The following PRRC1 variants were observed in gnomAD, a reference collection of about 807,000 sequenced individuals.
PRRC1 encodes proline rich coiled-coil 1.
Under a neutral mutation model 40.7 loss-of-function variants are expected in PRRC1, and 39 were observed. The ratio of observed to expected loss-of-function variants is 0.96; its 90% confidence interval spans 0.74 to 1.25. The LOEUF is 1.25. Ranked by LOEUF, PRRC1 falls within the 50% of genes most tolerant of loss-of-function variation. The pLI, the probability that PRRC1 is intolerant of heterozygous loss-of-function variation, is 0.00. For missense variants in PRRC1, 573 were observed against 548.3 expected (o/e 1.05, Z -0.45); for synonymous variants, 175 against 193.3 (o/e 0.91, Z 0.79).
chr5:127,541,153 C>G (rs1768036496), intron 7 of PRRC1, among the ~76,000 whole-genome samples: 1 of 152,150 alleles, frequency 6.6e-6, no homozygotes, highest in African/African-American at 2.4e-5. Context: ...GTCTTTGGTT[C>G]TGTTTATATG....
chr5:127,539,166 G>A, intron 7 of PRRC1, 23 bp downstream of exon 7: 1 of 1,577,096 alleles, frequency 6.3e-7, no homozygotes, highest in Non-Finnish European at 8.7e-7. Context: ...TGTTTCTCTT[G>A]GAAGCAAAAT....
chr5:127,541,041 C>T (rs567310151), intron 7 of PRRC1, among the ~76,000 whole-genome samples: 4 of 152,218 alleles, frequency 2.6e-5, no homozygotes, highest in East Asian at 1.9e-4. Flanking sequence ...TTTTGAGATA[C>T]GTCCCATCAG....
At chr5:127,528,354 G>A (rs542530233) in intron 4 of PRRC1, among the ~76,000 whole-genome samples, 10 of 151,056 alleles carry the variant, frequency 6.6e-5, no homozygotes, top group South Asian at 6.3e-4. Context: ...CGCTCTTGTC[G>A]CCCAGGCTGG....
chr5:127,525,197 A>G (rs1009877995), intron 3 of PRRC1, among the ~76,000 whole-genome samples: 5 of 152,178 alleles, frequency 3.3e-5, no homozygotes, highest in African/African-American at 1.2e-4. Flanking sequence ...TCTACTTTCT[A>G]TGTATATGGA....
At chr5:127,522,697 T>A (rs1048400698) in intron 1 of PRRC1, among the ~76,000 whole-genome samples, 1 of 152,114 alleles carries the variant, frequency 6.6e-6, no homozygotes, top group African/African-American at 2.4e-5. Flanking sequence ...GGCTTTATTT[T>A]TTTTTTATGT....
At chr5:127,519,817 GGA>G (rs1228293260) in intron 1 of PRRC1, among the ~76,000 whole-genome samples, 4 of 152,130 alleles carry the variant, frequency 2.6e-5, no homozygotes, top group African/African-American at 9.7e-5. Context: ...TTTGTTTCAA[GGA>G]ACTTAAACAG....
At chr5:127,531,621 T>TC (rs1377108153) in intron 5 of PRRC1, among the ~76,000 whole-genome samples, 1 of 61,782 alleles carries the variant, frequency 1.6e-5, no homozygotes, top group Non-Finnish European at 3.3e-5. Flanking sequence ...CTTCTTCTTT[T>TC]TTTTTTTTTT....
chr5:127,547,941 T>G lies in PRRC1; in HGVS notation c.1128+20T>G. 1.4e-6 allele frequency: 2 copies of G among 1,463,064 alleles called. No individual in the cohort carries two copies. Among genetic ancestry groups the G allele is most frequent in the Non-Finnish European group, 1.9e-6 (2 of 1,042,032 alleles). The allele number at this position is 1,463,064 out of a possible 1,614,324, so 90.6% of individuals were successfully genotyped here. A position where few individuals can be genotyped will look rare whatever the true frequency, so the allele number is the denominator to read the frequency against. ...CAGCAGGTTGGTTTTCTCCTTTGCT[T>G]TTTCATTATGCTCCAGAGAAACTTA... On this transcript the variant is annotated intron_variant, in intron 8 of 8. Transcript: ENST00000296666.
Position 127,554,738 on chromosome 5 carries a change from GATAGT to G in PRRC1, c.*2826_*2830del, listed in dbSNP as rs1259531032. On this transcript the variant is annotated 3_prime_UTR_variant, in exon 9 of 9. Coordinates refer to ENST00000296666, the MANE Select transcript of PRRC1 (RefSeq NM_130809.5). ...GTGGATAAATACAAAAAGGTAGTGT[GATAGT>G]ATAAGTATCTAAGTGCAGATGAAAG... 1 of 152,326 alleles carries G rather than the reference GATAGT, an allele frequency of 6.6e-6. No homozygotes were observed. Among genetic ancestry groups the G allele is most frequent in the Non-Finnish European group, 1.5e-5 (1 of 68,036 alleles). The allele number at this position is 152,326 out of a possible 1,614,324, so 9.4% of individuals were successfully genotyped here.
intron 7 of PRRC1, among the ~76,000 whole-genome samples, chr5:127,543,606 G>A (rs1331673225): frequency 0.01 from 1,520 of 151,670 alleles, 17 homozygotes; most frequent in East Asian, 0.03. Flanking sequence ...TTCCCTTCTC[G>A]CTTCATTTCA....
At chr5:127,546,993 TTTG>T (rs1436035495) in intron 7 of PRRC1, among the ~76,000 whole-genome samples, 5 of 152,178 alleles carry the variant, frequency 3.3e-5, no homozygotes, top group African/African-American at 4.8e-5. Context: ...TATATTTTAC[TTTG>T]TTGTTTTTTT....
chr5:127,542,253 T>A (rs1237299040), intron 7 of PRRC1, among the ~76,000 whole-genome samples: 2 of 152,176 alleles, frequency 1.3e-5, no homozygotes, highest in Non-Finnish European at 2.9e-5. Context: ...TTGTTATAAT[T>A]TCTGTTCTTT....
At chr5:127,543,128 A>T (rs1052009161) in intron 7 of PRRC1, among the ~76,000 whole-genome samples, 1 of 151,962 alleles carries the variant, frequency 6.6e-6, no homozygotes, top group Non-Finnish European at 1.5e-5. Flanking sequence ...TCCTTCACTT[A>T]CAAAACTTAG....
At chr5:127,541,770 T>C (rs1768053483) in intron 7 of PRRC1, among the ~76,000 whole-genome samples, 1 of 152,034 alleles carries the variant, frequency 6.6e-6, no homozygotes, top group Admixed American at 6.5e-5. Context: ...TCTCTTTTTT[T>C]CTTTATTAGT....
chr5:127,541,873 C>T (rs1768057853), intron 7 of PRRC1, among the ~76,000 whole-genome samples: 1 of 151,660 alleles, frequency 6.6e-6, no homozygotes. Context: ...GTCTCTATTT[C>T]CTTCAGTTCT....
Position 127,533,669 on chromosome 5 carries a change from A to C in PRRC1, c.804A>C (p.Val268=). The C allele has an allele frequency of 6.2e-7, 1 of 1,614,152 alleles. No individual in the cohort carries two copies. The highest frequency in any genetic ancestry group is 8.5e-7 in the Non-Finnish European group (1 of 1,179,984). Residue 268 remains valine (V), a synonymous_variant, in exon 6 of 9, where the codon GTA becomes GTC. Transcript: ENST00000296666. Reference sequence around the variant, plus strand: ...TTGTAGTGACCTCAAATAAAGAAGTAAAAGTTGCTGCTGTCCGAGATGCCT... The same window carrying C: ...TTGTAGTGACCTCAAATAAAGAAGTCAAAGTTGCTGCTGTCCGAGATGCCT... ...LDIVVTSNKE[V]KVAAVRDAFQ... is the part of the protein sequence containing the mutation.
intron 1 of PRRC1, among the ~76,000 whole-genome samples, chr5:127,518,807 TCA>T (rs1393527839): frequency 2.0e-5 from 3 of 151,814 alleles, no homozygotes; most frequent in Non-Finnish European, 4.4e-5. Flanking sequence ...GACTGAGAAC[TCA>T]GTTTTCCAAA....
chr5:127,531,681 G>A lies in PRRC1; in HGVS notation c.757+1285G>A, dbSNP rs539789135. ...TCTGTCACTCAGACTGGAGTGCAGTGGCGTGATCTCAGCTCACTACAACCT... is the reference window on the plus strand; with the variant it reads ...TCTGTCACTCAGACTGGAGTGCAGTAGCGTGATCTCAGCTCACTACAACCT... On this transcript the variant is annotated intron_variant, in intron 5 of 8. Transcript: ENST00000296666. Among the ~76,000 whole-genome samples, 4 of 129,158 alleles carry A rather than the reference G, an allele frequency of 3.1e-5. No homozygotes were observed. In the Admixed American group the frequency reaches 3.6e-4, roughly 12 times the overall value. The allele number at this position is 129,158 out of a possible 152,430, so 84.7% of individuals were successfully genotyped here. A position where few individuals can be genotyped will look rare whatever the true frequency, so the allele number is the denominator to read the frequency against.
chr5:127,530,467 T>C, intron 5 of PRRC1, 71 bp downstream of exon 5: 1 of 883,730 alleles, frequency 1.1e-6, no homozygotes, highest in Non-Finnish European at 1.8e-6. Context: ...CCACTAATTG[T>C]AATTCTCTGT....
Sources: gnomAD v4.1 joint callset for allele counts (sites outside exome capture counted in the v4.1 genomes callset) on GRCh38, gnomAD v4.1.1 for gene constraint, MANE v1.5 for transcripts, NCBI Gene and HGNC (gene_info 2026-07-23, HGNC 2026-07-21) for gene names.